Variants in AACS observed in about 807,000 individuals in gnomAD.
AACS encodes the protein acetoacetate-CoA ligase.
Under a neutral mutation model 83.1 loss-of-function variants are expected in AACS, and 69 were observed. The ratio of observed to expected loss-of-function variants is 0.83; its 90% CI spans 0.68 to 1.01. AACS has a LOEUF of 1.01. Among genes scored for constraint, AACS ranks in the 50% least tolerant of loss-of-function variants. The pLI is 0.00. For missense variants in AACS, 866 were observed against 882.2 expected (o/e 0.98, Z 0.23); for synonymous variants, 333 against 343.4 (o/e 0.97, Z 0.33).
Position 125,107,275 on chromosome 12 carries a change from C to A in AACS, c.915+7C>A. Reference sequence around the variant, plus strand: ...CATGGTGCATTCCGCTGGGGTAGGTCTCTGGGGAAGGCTCTGCAGGGCCTC... The same window carrying A: ...CATGGTGCATTCCGCTGGGGTAGGTATCTGGGGAAGGCTCTGCAGGGCCTC... On this transcript the variant is annotated splice_region_variant and intron_variant, in intron 8 of 17. Transcript: ENST00000316519. 6.2e-7 allele frequency: 1 copy of A among 1,612,984 alleles called. No individual in the cohort carries two copies. Among genetic ancestry groups the A allele is most frequent in the South Asian group, 1.1e-5 (1 of 91,070 alleles).
At chr12:125,072,357 C>T (rs571783819) in intron 1 of AACS, among the ~76,000 whole-genome samples, 2 of 152,290 alleles carry the variant, frequency 1.3e-5, no homozygotes, top group South Asian at 4.1e-4. Flanking sequence ...GGGGACACTG[C>T]TGAAGGGCAG....
intron 12 of AACS, 98 bp downstream of exon 12, chr12:125,125,122 T>G: frequency 6.4e-7 from 1 of 1,550,454 alleles, no homozygotes; most frequent in Non-Finnish European, 8.8e-7. Context: ...AAGGACACAG[T>G]CCGCTGGGCA....
chr12:125,076,251 A>G (rs1956017811), intron 2 of AACS, among the ~76,000 whole-genome samples: 1 of 152,182 alleles, frequency 6.6e-6, no homozygotes, highest in Non-Finnish European at 1.5e-5. Context: ...TTTGTGGAAC[A>G]CATATGTTAC....
At chr12:125,092,089 G>A (rs1007804585) in intron 5 of AACS, among the ~76,000 whole-genome samples, 7 of 152,138 alleles carry the variant, frequency 4.6e-5, no homozygotes, top group African/African-American at 1.7e-4. Flanking sequence ...CCCCACTGGG[G>A]CCCCCCAGCC....
At chr12:125,086,562 TG>T in intron 4 of AACS, 119 bp downstream of exon 4, 1 of 893,168 alleles carries the variant, frequency 1.1e-6, no homozygotes, top group South Asian at 1.6e-5. Context: ...TGGAACCTTG[TG>T]GGACTTGGAC....
intron 8 of AACS, 103 bp downstream of exon 8, chr12:125,107,371 C>T: frequency 1.4e-6 from 2 of 1,470,572 alleles, no homozygotes; most frequent in Non-Finnish European, 9.2e-7. Context: ...AACTGCACCC[C>T]ATCCCCGGAG....
At chr12:125,076,989 C>A (rs192770410) in intron 3 of AACS, among the ~76,000 whole-genome samples, 8 of 152,006 alleles carry the variant, frequency 5.3e-5, no homozygotes, top group African/African-American at 1.9e-4. Flanking sequence ...CTCACTGCAG[C>A]CTCAATCTCC....
chr12:125,065,548 C>T lies in AACS; in HGVS notation c.-37C>T. On this transcript the variant is annotated 5_prime_UTR_variant, in exon 1 of 18. Coordinates refer to ENST00000316519, the MANE Select transcript of AACS (RefSeq NM_023928.5). ...TCGCCTCAGCCCCGGCCCCTGGTCC[C>T]CAGCCCTCGTCGCAGCCCCGGCCGC... 6.7e-7 allele frequency: 1 copy of T among 1,487,646 alleles called. No individual in the cohort carries two copies. The allele number at this position is 1,487,646 out of a possible 1,614,324, so 92.2% of individuals were successfully genotyped here. A position where few individuals can be genotyped will look rare whatever the true frequency, so the allele number is the denominator to read the frequency against.
At chr12:125,133,919 C>T (rs558340573) in intron 14 of AACS, 84 bp from the exon 15 acceptor site, 54 of 1,385,944 alleles carry the variant, frequency 3.9e-5, no homozygotes, top group East Asian at 1.4e-4. Context: ...GTGATGTCTG[C>T]GGACCTACAC....
At chr12:125,083,388 C>G (rs1317538457) in intron 3 of AACS, among the ~76,000 whole-genome samples, 4 of 152,024 alleles carry the variant, frequency 2.6e-5, no homozygotes, top group Non-Finnish European at 5.9e-5. Context: ...CCCATCGATT[C>G]CCCAGGTCAG....
intron 8 of AACS, 133 bp downstream of exon 8, chr12:125,107,401 C>T: frequency 8.0e-7 from 1 of 1,242,860 alleles, no homozygotes; most frequent in Non-Finnish European, 1.1e-6. Flanking sequence ...TGCAGCTTCT[C>T]TCCAAGTGGG....
chr12:125,071,980 G>T (rs1313501591), intron 1 of AACS, among the ~76,000 whole-genome samples: 1 of 151,862 alleles, frequency 6.6e-6, no homozygotes, highest in Non-Finnish European at 1.5e-5. Context: ...GCCTCAGCCT[G>T]CCAGGTAGCT....
chr12:125,071,493 A>G (rs570914213), intron 1 of AACS, among the ~76,000 whole-genome samples: 2 of 152,208 alleles, frequency 1.3e-5, no homozygotes, highest in Non-Finnish European at 1.5e-5. Context: ...AAAAATTTGC[A>G]TGATCCCTGC....
intron 1 of AACS, among the ~76,000 whole-genome samples, chr12:125,067,600 CTCGGCTCA>C (rs1265690940): frequency 6.6e-6 from 1 of 151,874 alleles, no homozygotes; most frequent in African/African-American, 2.4e-5. Flanking sequence ...ACGGCGCAAT[CTCGGCTCA>C]TTGCAACCTC....
At chr12:125,068,339 G>A (rs1955761266) in intron 1 of AACS, among the ~76,000 whole-genome samples, 1 of 152,130 alleles carries the variant, frequency 6.6e-6, no homozygotes, top group Non-Finnish European at 1.5e-5. Context: ...TGCGCCTGTA[G>A]TCCCAGCTAC....
chr12:125,114,220 A>G (rs1957008109), intron 8 of AACS, among the ~76,000 whole-genome samples: 1 of 151,366 alleles, frequency 6.6e-6, no homozygotes, highest in Non-Finnish European at 1.5e-5. Flanking sequence ...CGAGAGCTTG[A>G]GGGCAGACAG....
intron 9 of AACS, among the ~76,000 whole-genome samples, chr12:125,115,259 A>T (rs1272251881): frequency 1.4e-5 from 2 of 142,942 alleles, no homozygotes; most frequent in Admixed American, 6.9e-5. Flanking sequence ...TTCTGTGCTG[A>T]GTTTTTTTTT....
At chr12:125,080,145 G>A (rs1178704951) in intron 3 of AACS, among the ~76,000 whole-genome samples, 3 of 152,166 alleles carry the variant, frequency 2.0e-5, no homozygotes, top group East Asian at 1.9e-4. Flanking sequence ...GTGCATGTGG[G>A]AACCTCCCTA....
At chr12:125,114,277 T>C in intron 8 of AACS, 200 bp from the exon 9 acceptor site, 1 of 456,012 alleles carries the variant, frequency 2.2e-6, no homozygotes, top group African/African-American at 2.1e-5. Context: ...GCTCAGCTCT[T>C]GGGGGAGAGG....
Sources: allele counts gnomAD v4.1 joint callset (sites outside exome capture counted in the v4.1 genomes callset), GRCh38; gene constraint gnomAD v4.1.1; transcripts MANE v1.5; gene names NCBI Gene and HGNC (gene_info 2026-07-23, HGNC 2026-07-21).